The following NLRP2 variants were observed in gnomAD, a reference collection of about 807,000 sequenced individuals.
NLRP2 encodes NLR family pyrin domain containing 2.
A neutral mutation model predicts 97.2 loss-of-function variants in NLRP2; 107 were observed. That is an observed-to-expected ratio of 1.10 (90% CI 0.94 to 1.29). The LOEUF is 1.29. NLRP2 is among the 50% of genes most tolerant of loss of function. The probability of loss-of-function intolerance (pLI) is 0.00; values close to 1 mark genes in which losing one functional copy is unlikely to be tolerated. For missense variants in NLRP2, 1,495 were observed against 1,330.3 expected, an observed-to-expected ratio of 1.12 and a Z score of -1.93; for synonymous variants, 663 against 551.5, an observed-to-expected ratio of 1.20 and a Z score of -2.83.
rs1329961462 is a variant in NLRP2 at position 54,984,329 on chromosome 19, G to GGTTTTTTTTTTTTTTTTTTT, written c.2030+601_2030+602insGTTTTTTTTTTTTTTTTTTT. Among the ~76,000 whole-genome samples the GGTTTTTTTTTTTTTTTTTTT allele has an allele frequency of 1.4e-3, 113 of 79,676 alleles. 1 individual carries two copies. Among genetic ancestry groups the GGTTTTTTTTTTTTTTTTTTT allele is most frequent in the Non-Finnish European group, 2.2e-3 (87 of 39,968 alleles). 52.3% of individuals were successfully genotyped at this position (79,676 alleles called of 152,430 possible). A position where few individuals can be genotyped will look rare whatever the true frequency, so the allele number is the denominator to read the frequency against. On this transcript the variant is annotated intron_variant, in intron 6 of 12. Coordinates refer to ENST00000448584, the MANE Select transcript of NLRP2 (RefSeq NM_017852.5). ...AACTTAAGTGGGGGTTTTTTTTTGT[G>GGTTTTTTTTTTTTTTTTTTT]TTTTTTTTTTTTTTTTTTTTTTTGG...
intron 4 of NLRP2, among the ~76,000 whole-genome samples, chr19:54,978,845 TAAAAAAAAA>T (rs78482875): frequency 2.9e-5 from 4 of 136,294 alleles, no homozygotes; most frequent in Non-Finnish European, 6.4e-5. Context: ...GACTCCATCT[TAAAAAAAAA>T]AAAAAAAAAT....
chr19:54,982,373 A>G lies in NLRP2; in HGVS notation c.675A>G (p.Lys225=). 6.2e-7 allele frequency: 1 copy of G among 1,614,084 alleles called. No individual in the cohort carries two copies. The change falls in exon 6 of 13, where the codon AAA becomes AAG. Residue 225 remains lysine (K), a synonymous_variant. Coordinates refer to ENST00000448584, the MANE Select transcript of NLRP2 (RefSeq NM_017852.5). The part of the protein sequence containing the change: ...AGLGKTTLAQ[K]LMLDWAEDNL... ...TTGGGAAAACCACGCTGGCCCAGAA[A>G]CTAATGCTAGACTGGGCAGAGGACA...
At chr19:54,985,009 C>T (rs764504769) in intron 6 of NLRP2, 38 bp from the exon 7 acceptor site, 2 of 1,605,062 alleles carry the variant, frequency 1.2e-6, no homozygotes, top group Non-Finnish European at 1.7e-6. Context: ...CCGTGATGGA[C>T]ACACATTTGG....
chr19:54,970,736 G>T, intron 2 of NLRP2, among the ~76,000 whole-genome samples: 1 of 146,984 alleles, frequency 6.8e-6, no homozygotes, highest in Admixed American at 6.8e-5. Context: ...CATAAACCCT[G>T]GTGTCTGTCC....
At chr19:54,981,554 T>C (rs898716558) in intron 4 of NLRP2, 63 bp from the exon 5 acceptor site, 26 of 596,932 alleles carry the variant, frequency 4.4e-5, no homozygotes, top group East Asian at 3.3e-4. Context: ...TTTTCTCTAA[T>C]TGGGACTCCA....
In NLRP2 at chr19:54,997,557, G is replaced by A. The variant is rs2072904094; in HGVS notation, c.3050+70G>A. 2.7e-6 allele frequency: 4 copies of A among 1,502,626 alleles called. No individual in the cohort carries two copies. In the Admixed American group the frequency reaches 6.7e-5, roughly 25 times the overall value. 93.1% of individuals were successfully genotyped at this position (1,502,626 alleles called of 1,614,324 possible). A position where few individuals can be genotyped will look rare whatever the true frequency, so the allele number is the denominator to read the frequency against. On this transcript the variant is annotated intron_variant, in intron 12 of 12. Coordinates refer to ENST00000448584, the MANE Select transcript of NLRP2 (RefSeq NM_017852.5). ...GGTTTAGGGGAAGCATAATGACATG[G>A]ACCTGCTGTAGGAGACTGATCTGGT...
intron 2 of NLRP2, 36 bp from the exon 3 acceptor site, chr19:54,974,464 T>C: frequency 6.3e-7 from 1 of 1,576,984 alleles, no homozygotes; most frequent in Non-Finnish European, 8.7e-7. Flanking sequence ...GAGCTTATGG[T>C]AAAATGCAAA....
chr19:54,974,211 G>A (rs1401043912), intron 2 of NLRP2: 1 of 580,944 alleles, frequency 1.7e-6, no homozygotes, highest in Non-Finnish European at 3.1e-6. Context: ...AAACTTAGCT[G>A]GGCATGGTGG....
chr19:54,996,048 A>AAC (rs1555783290), intron 11 of NLRP2, among the ~76,000 whole-genome samples: 4 of 147,860 alleles, frequency 2.7e-5, no homozygotes, highest in African/African-American at 1.0e-4. Context: ...AAAAAAAAAA[A>AAC]AAAAACAAAA....
chr19:55,000,922 C>T lies in NLRP2; in HGVS notation c.*24C>T, dbSNP rs2073155792. ...GAATCCCCCCGAGTCATTCATTCTC[C>T]ATGAAGTCATCGATTTTCCAGGTGT... is the stretch of plus-strand genomic sequence containing the variant. On this transcript the variant is annotated 3_prime_UTR_variant, in exon 13 of 13. Transcript: ENST00000448584. 1.2e-6 allele frequency: 2 copies of T among 1,612,362 alleles called. No individual in the cohort carries two copies. Among genetic ancestry groups the T allele is most frequent in the South Asian group, 1.1e-5 (1 of 91,036 alleles).
chr19:54,986,405 C>T lies in NLRP2; in HGVS notation c.2366+90C>T, dbSNP rs138799289. 5.7e-4 allele frequency: 707 copies of T among 1,236,314 alleles called. 2 individuals carry two copies. Among genetic ancestry groups the T allele is most frequent in the Non-Finnish European group, 7.4e-4 (628 of 843,476 alleles). The allele number at this position is 1,236,314 out of a possible 1,614,324, so 76.6% of individuals were successfully genotyped here. On this transcript the variant is annotated intron_variant, in intron 8 of 12. Transcript: ENST00000448584. ...AATTTTGTGTAAATAAGAAAAAGTT[C>T]GTTATTCTGACTAGAAACAGTACTA...
Position 54,982,548 on chromosome 19 carries a change from T to C in NLRP2, c.850T>C (p.Leu284=), listed in dbSNP as rs748235569. ...PHILAQARKI[L]FVIDGFDELG... ...CATCCTAGCCCAAGCACGGAAAATCTTGTTCGTGATTGACGGCTTTGATGA... is the reference window on the plus strand; with the variant it reads ...CATCCTAGCCCAAGCACGGAAAATCCTGTTCGTGATTGACGGCTTTGATGA... The change falls in exon 6 of 13, where the codon TTG becomes CTG. Residue 284 remains leucine (L), a synonymous_variant. Transcript: ENST00000448584. 1.9e-6 allele frequency: 3 copies of C among 1,614,178 alleles called. No individual in the cohort carries two copies. Among genetic ancestry groups the C allele is most frequent in the South Asian group, 1.1e-5 (1 of 91,082 alleles).
chr19:54,977,459 C>T (rs2071309296), intron 3 of NLRP2, among the ~76,000 whole-genome samples: 1 of 149,440 alleles, frequency 6.7e-6, no homozygotes, highest in Non-Finnish European at 1.5e-5. Flanking sequence ...TCCTCAAAGC[C>T]TTTCCAGTGG....
chr19:54,971,800 AACAAT>A (rs1442712492), intron 2 of NLRP2, among the ~76,000 whole-genome samples: 1 of 152,116 alleles, frequency 6.6e-6, no homozygotes, highest in Non-Finnish European at 1.5e-5. Flanking sequence ...AATTAAAAAT[AACAAT>A]ACAATAAAAT....
At chr19:54,972,911 G>C (rs566806789) in intron 2 of NLRP2, among the ~76,000 whole-genome samples, 5 of 152,204 alleles carry the variant, frequency 3.3e-5, no homozygotes, top group Admixed American at 3.3e-4. Flanking sequence ...ATGGTAGGCC[G>C]GGCACAGTGG....
In NLRP2 at chr19:54,986,204, G is replaced by C. The variant is rs777510010; in HGVS notation, c.2255G>C (p.Arg752Pro). 1.2e-6 allele frequency: 2 copies of C among 1,613,214 alleles called. No homozygotes were observed. The highest frequency in any genetic ancestry group is 1.7e-6 in the Non-Finnish European group (2 of 1,179,268). Residue 752 changes from arginine (R) to proline (P), a missense_variant, in exon 8 of 13, where the codon CGA becomes CCA. Coordinates refer to ENST00000448584, the MANE Select transcript of NLRP2 (RefSeq NM_017852.5). ...DAHRNLCLAL[R>P]GHKTVTYLTL... Reference sequence around the variant, plus strand: ...CATCGGAACCTCTGCCTAGCTCTTCGAGGTCACAAGACTGTAACGTATCTG... The same window carrying C: ...CATCGGAACCTCTGCCTAGCTCTTCCAGGTCACAAGACTGTAACGTATCTG...
chr19:54,984,287 C>T (rs1386939403), intron 6 of NLRP2, among the ~76,000 whole-genome samples: 2 of 146,692 alleles, frequency 1.4e-5, no homozygotes, highest in Non-Finnish European at 1.5e-5. Context: ...ATTAAGTGTG[C>T]ACCATCATGT....
At chr19:54,997,992 C>CAGGGTTTT (rs2072931810) in intron 12 of NLRP2, among the ~76,000 whole-genome samples, 1 of 149,554 alleles carries the variant, frequency 6.7e-6, no homozygotes, top group Non-Finnish European at 1.5e-5. Context: ...TGCATTTTGT[C>CAGGGTTTT]AGGGTTTTGG....
Position 54,982,325 on chromosome 19 carries a change from G to A in NLRP2, c.627G>A (p.Val209=). Residue 209 remains valine (V), a synonymous_variant, in exon 6 of 13, where the codon GTG becomes GTA. Coordinates refer to ENST00000448584, the MANE Select transcript of NLRP2 (RefSeq NM_017852.5). ...RVLPGPFSYT[V]VLYGPAGLGK... is the part of the protein sequence containing the mutation. ...TTCCCGGGCCCTTCTCATACACGGT[G>A]GTGCTGTATGGTCCTGCAGGCCTTG... 7.4e-6 allele frequency: 12 copies of A among 1,614,070 alleles called. No homozygotes were observed. Among genetic ancestry groups the A allele is most frequent in the Non-Finnish European group, 1.0e-5 (12 of 1,180,006 alleles).
Sources: gnomAD v4.1 joint callset for allele counts (sites outside exome capture counted in the v4.1 genomes callset) on GRCh38, gnomAD v4.1.1 for gene constraint, MANE v1.5 for transcripts, NCBI Gene and HGNC (gene_info 2026-07-23, HGNC 2026-07-21) for gene names.